The following NKAIN3 variants were observed in gnomAD, a reference collection of about 807,000 sequenced individuals.
NKAIN3 encodes the protein sodium/potassium transporting ATPase interacting 3.
A neutral mutation model predicts 30.2 loss-of-function variants in NKAIN3; 25 were observed. The ratio of observed to expected loss-of-function variants is 0.83; its 90% CI spans 0.60 to 1.16. NKAIN3 has a LOEUF of 1.16. Ranked by LOEUF, NKAIN3 falls within the 50% of genes most tolerant of loss-of-function variation. The pLI is 0.00. For synonymous variants in NKAIN3, 91 were observed against 89.6 expected (o/e 1.02, Z -0.09); for missense variants, 225 against 254.1 (o/e 0.89, Z 0.78).
chr8:62,341,928 A>G (rs1440565349), intron 1 of NKAIN3, among the ~76,000 whole-genome samples: 1 of 151,938 alleles, frequency 6.6e-6, no homozygotes, highest in Admixed American at 6.6e-5. Flanking sequence ...GTGCTTTTGT[A>G]TGTAAATTTT....
At chr8:62,766,118 A>G (rs1586175232) in intron 4 of NKAIN3, among the ~76,000 whole-genome samples, 1 of 152,172 alleles carries the variant, frequency 6.6e-6, no homozygotes, top group African/African-American at 2.4e-5. Context: ...CAGATATAAA[A>G]CATGTTGACA....
intron 1 of NKAIN3, among the ~76,000 whole-genome samples, chr8:62,533,326 G>T (rs1184851816): frequency 6.6e-6 from 1 of 152,204 alleles, no homozygotes; most frequent in African/African-American, 2.4e-5. Flanking sequence ...GATACCTTCT[G>T]GGGGGATAAT....
chr8:62,988,648 C>T (rs1824254624), downstream of NKAIN3, among the ~76,000 whole-genome samples: 1 of 152,242 alleles, frequency 6.6e-6, no homozygotes, highest in Non-Finnish European at 1.5e-5. Context: ...AGCAGGTGGG[C>T]TTTGGGCCCA....
At chr8:62,266,368 A>T (rs1431807263) in intron 1 of NKAIN3, among the ~76,000 whole-genome samples, 2 of 152,222 alleles carry the variant, frequency 1.3e-5, no homozygotes, top group African/African-American at 4.8e-5. Flanking sequence ...GAATTACCAT[A>T]TTAAAATAAA....
intron 1 of NKAIN3, among the ~76,000 whole-genome samples, chr8:62,471,788 A>G (rs374721034): frequency 9.2e-5 from 14 of 152,240 alleles, no homozygotes; most frequent in Middle Eastern, 3.4e-3. Flanking sequence ...CACAAAAATT[A>G]AAGAAAAAGA....
chr8:62,560,572 T>C (rs1170827227), intron 1 of NKAIN3, among the ~76,000 whole-genome samples: 1 of 140,336 alleles, frequency 7.1e-6, no homozygotes, highest in Non-Finnish European at 1.5e-5. Flanking sequence ...GAAGTTTCTC[T>C]CTTGTCACCC....
intron 5 of NKAIN3, among the ~76,000 whole-genome samples, chr8:62,921,241 A>G (rs1402396717): frequency 6.6e-6 from 1 of 152,218 alleles, no homozygotes; most frequent in Non-Finnish European, 1.5e-5. Context: ...TTATTCTAAA[A>G]GAGATCTGCA....
chr8:62,715,745 GCCT>G (rs1404733752), intron 3 of NKAIN3, among the ~76,000 whole-genome samples: 1 of 152,164 alleles, frequency 6.6e-6, no homozygotes, highest in Non-Finnish European at 1.5e-5. Flanking sequence ...TTAAATTGCT[GCCT>G]GGTGGGAGTT....
intron 1 of NKAIN3, among the ~76,000 whole-genome samples, chr8:62,534,861 GT>G (rs56262159): frequency 8.1e-5 from 12 of 148,542 alleles, no homozygotes; most frequent in Admixed American, 3.3e-4. Context: ...GCATTTATTG[GT>G]TTTTTTTTTT....
chr8:62,672,071 A>G (rs771434694), intron 3 of NKAIN3, among the ~76,000 whole-genome samples: 4 of 152,158 alleles, frequency 2.6e-5, no homozygotes, highest in Non-Finnish European at 5.9e-5. Flanking sequence ...AACCACATGA[A>G]TCCCTAAAAG....
intron 4 of NKAIN3, among the ~76,000 whole-genome samples, chr8:62,864,384 A>C (rs1224982096): frequency 6.6e-6 from 1 of 152,192 alleles, no homozygotes; most frequent in Non-Finnish European, 1.5e-5. Context: ...CGTGGATAGA[A>C]TCACCTAAAA....
intron 1 of NKAIN3, among the ~76,000 whole-genome samples, chr8:62,416,892 C>T (rs138700447): frequency 0.027 from 4,061 of 151,422 alleles, 75 homozygotes; most frequent in Middle Eastern, 0.051. Flanking sequence ...CTTGGGAGGC[C>T]GAGGCAGGAG....
intron 1 of NKAIN3, among the ~76,000 whole-genome samples, chr8:62,542,189 A>G (rs1170896834): frequency 6.6e-6 from 1 of 152,182 alleles, no homozygotes; most frequent in African/African-American, 2.4e-5. Flanking sequence ...TACTAAATTC[A>G]TAGATTTTTG....
intron 1 of NKAIN3, among the ~76,000 whole-genome samples, chr8:62,488,360 G>T (rs1806965935): frequency 6.6e-6 from 1 of 152,080 alleles, no homozygotes; most frequent in Non-Finnish European, 1.5e-5. Flanking sequence ...ATCCATCAAG[G>T]ATCTCCATGA....
At chr8:62,763,221 CAAAAAAAAAAAAAAAAAAAAAAAA>C (rs55873861) in intron 4 of NKAIN3, among the ~76,000 whole-genome samples, 4 of 47,188 alleles carry the variant, frequency 8.5e-5, no homozygotes, top group South Asian at 2.1e-3. Flanking sequence ...GACTCCGTCT[CAAAAAAAAAAAAAAAAAAAAAAAA>C]AAAAAAAAAA....
At chr8:62,961,273 C>T (rs1823562779) in intron 6 of NKAIN3, among the ~76,000 whole-genome samples, 1 of 150,020 alleles carries the variant, frequency 6.7e-6, no homozygotes, top group African/African-American at 2.4e-5. Flanking sequence ...GAGTGAGACT[C>T]TGTCTCAAAA....
At chr8:62,601,402 AT>A (rs1340457617) in intron 3 of NKAIN3, among the ~76,000 whole-genome samples, 1 of 152,050 alleles carries the variant, frequency 6.6e-6, no homozygotes, top group Non-Finnish European at 1.5e-5. Flanking sequence ...GCATCCTAGA[AT>A]CACAGCCAAA....
At chr8:62,275,608 G>A (rs2129394373) in intron 1 of NKAIN3, among the ~76,000 whole-genome samples, 1 of 152,222 alleles carries the variant, frequency 6.6e-6, no homozygotes, top group East Asian at 1.9e-4. Flanking sequence ...ATAAATTTAA[G>A]TGTGTGAAAC....
chr8:62,807,273 C>T (rs1483801548), intron 4 of NKAIN3, among the ~76,000 whole-genome samples: 4 of 152,122 alleles, frequency 2.6e-5, no homozygotes, highest in Non-Finnish European at 4.4e-5. Flanking sequence ...TTGACTGATA[C>T]CATTAAAGCA....
Sources: allele counts gnomAD v4.1 joint callset (sites outside exome capture counted in the v4.1 genomes callset), GRCh38; gene constraint gnomAD v4.1.1; transcripts MANE v1.5; gene names NCBI Gene and HGNC (gene_info 2026-07-23, HGNC 2026-07-21).